MTMR14: variants seen among roughly 807,000 people sequenced by gnomAD.
MTMR14 encodes the protein phosphatidylinositol-3,5-bisphosphate 3-phosphatase MTMR14.
In MTMR14, 48 loss-of-function variants were observed where a neutral mutation model predicts 86.3. That is an observed-to-expected ratio of 0.56 (90% CI 0.44 to 0.71). The LOEUF (loss-of-function observed/expected upper bound fraction) is 0.71. Ranked by LOEUF, MTMR14 falls within the 30% of genes least tolerant of loss-of-function variation. The pLI, the probability that MTMR14 is intolerant of heterozygous loss-of-function variation, is 0.00. For synonymous variants in MTMR14, 366 were observed against 326.1 expected (o/e 1.12, Z -1.32); for missense variants, 780 against 834.6 (o/e 0.93, Z 0.81).
At chr3:9,654,445 C>A (rs941675939) in intron 2 of MTMR14, among the ~76,000 whole-genome samples, 1 of 152,166 alleles carries the variant, frequency 6.6e-6, no homozygotes, top group Admixed American at 6.5e-5. Flanking sequence ...TGTGGGTTAA[C>A]AGTTTATACC....
At chr3:9,698,662 C>T (rs2076358197) in intron 18 of MTMR14, among the ~76,000 whole-genome samples, 1 of 152,108 alleles carries the variant, frequency 6.6e-6, no homozygotes, top group African/African-American at 2.4e-5. Context: ...GGCAGGGTGC[C>T]TTGGGGAGTT....
chr3:9,672,662 C>T, intron 6 of MTMR14, 23 bp from the exon 7 acceptor site: 1 of 1,602,136 alleles, frequency 6.2e-7, no homozygotes, highest in Non-Finnish European at 8.6e-7. Context: ...GACACTGTAA[C>T]ACATTGTATC....
chr3:9,685,023 G>T, intron 12 of MTMR14, 59 bp downstream of exon 12: 1 of 1,555,274 alleles, frequency 6.4e-7, no homozygotes, highest in Non-Finnish European at 8.9e-7. Flanking sequence ...TATGTGAGTT[G>T]TGTGGTGGCT....
chr3:9,682,933 G>GCCCCC, intron 9 of MTMR14, among the ~76,000 whole-genome samples: 1 of 142,136 alleles, frequency 7.0e-6, no homozygotes, highest in African/African-American at 2.7e-5. Context: ...TTGGGTCAGA[G>GCCCCC]CCCCCCCCCC....
In MTMR14 at chr3:9,678,019, C is replaced by A. The variant is rs769536763; in HGVS notation, c.858C>A (p.Phe286Leu). 1 of 1,614,090 alleles carries A rather than the reference C, an allele frequency of 6.2e-7. No individual in the cohort carries two copies. ...ATGCCCCATTGAGCATCCCCGACTT[C>A]CTGACTCACTCTCTGAACATTGACT... ...YVDAPLSIPD[F>L]LTHSLNIDWS... Residue 286 changes from phenylalanine (F) to leucine (L), a missense_variant, in exon 9 of 19, where the codon TTC becomes TTA. Transcript: ENST00000296003.
chr3:9,650,379 C>G (rs2047210309), intron 1 of MTMR14: 1 of 456,556 alleles, frequency 2.2e-6, no homozygotes, highest in Admixed American at 2.3e-5. Context: ...GCCATCCCCA[C>G]CCTAAGCACT....
chr3:9,686,490 C>A (rs150255713), intron 13 of MTMR14, among the ~76,000 whole-genome samples: 23 of 152,280 alleles, frequency 1.5e-4, no homozygotes, highest in Non-Finnish European at 2.2e-4. Context: ...TCTGTTACCC[C>A]CCCCAGACAA....
At chr3:9,657,667 C>G (rs565613077) in intron 2 of MTMR14, among the ~76,000 whole-genome samples, 56 of 152,196 alleles carry the variant, frequency 3.7e-4, no homozygotes, top group African/African-American at 1.3e-3. Flanking sequence ...TCTCCTGCCT[C>G]AGCCTCCCTA....
chr3:9,675,333 C>A (rs1180309829), intron 7 of MTMR14, among the ~76,000 whole-genome samples: 1 of 152,080 alleles, frequency 6.6e-6, no homozygotes, highest in Non-Finnish European at 1.5e-5. Context: ...TTTTACATAA[C>A]TTCTATTACT....
At chr3:9,653,912 T>C (rs192876349) in intron 2 of MTMR14, 143 bp downstream of exon 2, 137 of 1,179,876 alleles carry the variant, frequency 1.2e-4, no homozygotes, top group Non-Finnish European at 1.6e-4. Context: ...ACTTCAAGGT[T>C]GGACAAGTCA....
chr3:9,669,473 G>T lies in MTMR14; in HGVS notation c.535G>T (p.Glu179Ter). Residue 179 changes from glutamate to a stop codon, truncating the protein, a stop_gained, in exon 5 of 19, where the codon GAG (glutamate) becomes TAG (stop). Transcript: ENST00000296003. LOFTEE classifies it high-confidence loss of function. ...CTGGGCAGATGTGGAGGACGTCACG[G>T]AGGAGGACTGTGCTCTTCGGTCAGT... is the stretch of plus-strand genomic sequence containing the variant. ...DAWADVEDVT[E>*]EDCALRSGDT... 1 of 1,613,732 alleles carries T rather than the reference G, an allele frequency of 6.2e-7. No individual in the cohort carries two copies. The highest frequency in any genetic ancestry group is 8.5e-7 in the Non-Finnish European group (1 of 1,179,726).
chr3:9,680,761 C>A (rs1038413126), intron 9 of MTMR14, among the ~76,000 whole-genome samples: 1 of 152,196 alleles, frequency 6.6e-6, no homozygotes, highest in African/African-American at 2.4e-5. Context: ...GGCGTGAACC[C>A]GGGAGGCGGA....
At chr3:9,664,118 G>T (rs895632897) in intron 3 of MTMR14, among the ~76,000 whole-genome samples, 3 of 151,844 alleles carry the variant, frequency 2.0e-5, no homozygotes, top group Admixed American at 1.3e-4. Context: ...GTACCACCCT[G>T]TGCAGCACAG....
intron 3 of MTMR14, among the ~76,000 whole-genome samples, chr3:9,663,063 A>G (rs2048030103): frequency 2.6e-5 from 4 of 152,208 alleles, no homozygotes; most frequent in Admixed American, 2.6e-4. Context: ...AACGCTGAGC[A>G]GGGAGGTGGC....
chr3:9,686,341 G>A (rs921505960), intron 13 of MTMR14, among the ~76,000 whole-genome samples: 1 of 152,196 alleles, frequency 6.6e-6, no homozygotes, highest in African/African-American at 2.4e-5. Context: ...CCTCCCTGTA[G>A]TCTCCCTCCC....
chr3:9,688,678 T>C lies in MTMR14; in HGVS notation c.1236-18T>C, dbSNP rs2076040622. The C allele has an allele frequency of 1.2e-6, 2 of 1,613,936 alleles. No homozygotes were observed. The highest frequency in any genetic ancestry group is 1.3e-5 in the African/African-American group (1 of 74,890). On this transcript the variant is annotated intron_variant, in intron 14 of 18. Transcript: ENST00000296003. ...CCCAGATAGATCTGGAATTTACTGC[T>C]CCGGCTTCCATTTCTAGGAGGAAGA...
At chr3:9,676,495 T>G (rs2075582848) in intron 7 of MTMR14, among the ~76,000 whole-genome samples, 1 of 152,242 alleles carries the variant, frequency 6.6e-6, no homozygotes, top group Non-Finnish European at 1.5e-5. Flanking sequence ...ATGACAATAG[T>G]GTGCTGCCAT....
Position 9,684,963 on chromosome 3 carries a change from G to C in MTMR14, c.1126G>C (p.Gly376Arg). 1.2e-6 allele frequency: 2 copies of C among 1,614,076 alleles called. No individual in the cohort carries two copies. Residue 376 changes from glycine (G) to arginine (R), a missense_variant and splice_region_variant, in exon 12 of 19, where the codon GGG (glycine) becomes CGG (arginine). Physicochemically the swap from Gly to Arg is moderately radical, Grantham distance 125 (BLOSUM62 -2). Transcript: ENST00000296003. The stretch of plus-strand genomic sequence containing the variant: ...TGTGGCCTATGACTGGTTCCTCTTC[G>C]GGTAAGCCTTTGCAGGAGTTGGGTT... The part of the protein sequence containing the change: ...LTVAYDWFLF[G>R]HMLVDRLSKG...
At chr3:9,672,265 G>T (rs991651467) in intron 6 of MTMR14, among the ~76,000 whole-genome samples, 1 of 152,114 alleles carries the variant, frequency 6.6e-6, no homozygotes, top group Non-Finnish European at 1.5e-5. Flanking sequence ...TTGACATGGA[G>T]CCTCACCCTG....
Sources: gnomAD v4.1 joint callset for allele counts (sites outside exome capture counted in the v4.1 genomes callset) on GRCh38, gnomAD v4.1.1 for gene constraint, MANE v1.5 for transcripts, NCBI Gene and HGNC (gene_info 2026-07-23, HGNC 2026-07-21) for gene names.